Variants in STAG1 observed in about 807,000 individuals in gnomAD.
The protein encoded by STAG1 is STAG1 cohesin complex component, also known as cohesin subunit SA-1.
Under a neutral mutation model 170.9 loss-of-function variants are expected in STAG1, and 26 were observed. That is an observed-to-expected ratio of 0.15 (90% CI 0.11 to 0.21). STAG1 has a LOEUF of 0.21. Among genes scored for constraint, STAG1 ranks in the 10% least tolerant of loss-of-function variants. The pLI, the probability that STAG1 is intolerant of heterozygous loss-of-function variation, is 1.00. For missense variants in STAG1, 964 were observed against 1,509.5 expected, an observed-to-expected ratio of 0.64 and a Z score of 5.99; for synonymous variants, 514 against 497.7, an observed-to-expected ratio of 1.03 and a Z score of -0.44.
rs2107729865 is a variant in STAG1 at position 136,422,449 on chromosome 3, T to C, written c.1998A>G (p.Val666=). 3 of 1,614,070 alleles carry C rather than the reference T, an allele frequency of 1.9e-6. No homozygotes were observed. Among genetic ancestry groups the C allele is most frequent in the Middle Eastern group, 1.7e-4 (1 of 6,060 alleles). The change falls in exon 19 of 34, where the codon GTA becomes GTG. Residue 666 remains valine, a synonymous_variant. Transcript: ENST00000383202. ...IARSQLIDEF[V]DRFNHSVEDL... ...CTTCCACAGAATGATTGAATCGATC[T>C]ACAAACTCATCAATCAGCTGGCTTC...
chr3:136,433,471 C>A (rs988687995), intron 16 of STAG1, 85 bp downstream of exon 16: 20 of 935,934 alleles, frequency 2.1e-5, no homozygotes, highest in Admixed American at 5.2e-5. Context: ...TTTAGGGATA[C>A]AAATATCAGT....
rs568223775 is a variant in STAG1, at chr3:136,337,641, G to T, written c.*613C>A. On this transcript the variant is annotated 3_prime_UTR_variant, in exon 34 of 34. Coordinates refer to ENST00000383202, the MANE Select transcript of STAG1 (RefSeq NM_005862.3). ...GAATTCATATCCATATCCACAGAGG[G>T]TGTGTGGTTTTTGGCAGAGATGTAC... 6.6e-6 allele frequency: 1 copy of T among 152,604 alleles called. No homozygotes were observed. The highest frequency in any genetic ancestry group is 2.1e-4 in the South Asian group (1 of 4,826). The allele number at this position is 152,604 out of a possible 1,614,324, so 9.5% of individuals were successfully genotyped here.
At chr3:136,468,595 C>G (rs1377779434) in intron 12 of STAG1, among the ~76,000 whole-genome samples, 1 of 152,290 alleles carries the variant, frequency 6.6e-6, no homozygotes, top group East Asian at 1.9e-4. Flanking sequence ...GGAGCTGGTA[C>G]CATTCCTTCT....
chr3:136,555,824 G>T (rs1936593058), intron 5 of STAG1, among the ~76,000 whole-genome samples: 2 of 149,800 alleles, frequency 1.3e-5, no homozygotes, highest in African/African-American at 4.9e-5. Context: ...ATTCTGGAAA[G>T]AAATAATTCC....
At chr3:136,603,607 G>A (rs572723021) in intron 4 of STAG1, among the ~76,000 whole-genome samples, 13 of 152,164 alleles carry the variant, frequency 8.5e-5, no homozygotes, top group Middle Eastern at 6.8e-3. Context: ...AGTTATGGCC[G>A]GGCGCGGTGG....
chr3:136,649,649 C>T (rs1941149043), intron 1 of STAG1, among the ~76,000 whole-genome samples: 1 of 151,936 alleles, frequency 6.6e-6, no homozygotes, highest in African/African-American at 2.4e-5. Context: ...AGTGCAGTGG[C>T]TCGTGCCTGT....
intron 22 of STAG1, among the ~76,000 whole-genome samples, chr3:136,390,504 A>G (rs1237230296): frequency 6.6e-6 from 1 of 152,212 alleles, no homozygotes; most frequent in Non-Finnish European, 1.5e-5. Flanking sequence ...TATTAACAGG[A>G]ACACATGTAT....
intron 7 of STAG1, among the ~76,000 whole-genome samples, chr3:136,516,315 G>A (rs1309233781): frequency 1.3e-5 from 2 of 151,978 alleles, no homozygotes; most frequent in African/African-American, 4.8e-5. Context: ...TCAAGGCCAT[G>A]GGCAACATGG....
chr3:136,429,371 C>T (rs1331400843), intron 16 of STAG1, among the ~76,000 whole-genome samples: 3 of 152,190 alleles, frequency 2.0e-5, no homozygotes, highest in Non-Finnish European at 4.4e-5. Context: ...CACGCCACTG[C>T]ACTCCAGCCT....
chr3:136,627,842 C>T (rs1407751421), intron 2 of STAG1, among the ~76,000 whole-genome samples: 1 of 152,098 alleles, frequency 6.6e-6, no homozygotes, highest in Admixed American at 6.5e-5. Flanking sequence ...TTCTGTCTAC[C>T]TCTTTCTATC....
At chr3:136,456,799 G>T (rs535104098) in intron 13 of STAG1, among the ~76,000 whole-genome samples, 11 of 152,280 alleles carry the variant, frequency 7.2e-5, no homozygotes, top group African/African-American at 2.6e-4. Flanking sequence ...GCTCCTATAT[G>T]GCTTTCAGTA....
rs760322984 is a variant in STAG1 at position 136,477,388 on chromosome 3, G to A, written c.927C>T (p.Ala309=). The A allele has an allele frequency of 3.1e-6, 5 of 1,611,578 alleles. No homozygotes were observed. In the African/African-American group the frequency reaches 4.0e-5, roughly 13 times the overall value. The part of the protein sequence containing the change: ...RYRDAIAEIR[A]ICIEEIGVWM... ...ATACTCCAATTTCTTCAATACAAATGGCTCTAATCTCAGCAATAGCATCAC... is the reference window on the plus strand; with the variant it reads ...ATACTCCAATTTCTTCAATACAAATAGCTCTAATCTCAGCAATAGCATCAC... The change falls in exon 10 of 34, where the codon GCC becomes GCT. Residue 309 remains alanine, a synonymous_variant. Coordinates refer to ENST00000383202, the MANE Select transcript of STAG1 (RefSeq NM_005862.3).
intron 1 of STAG1, among the ~76,000 whole-genome samples, chr3:136,702,795 CA>C (rs1943120566): frequency 6.6e-6 from 1 of 152,072 alleles, no homozygotes; most frequent in Admixed American, 6.6e-5. Flanking sequence ...CCGGGCCAGG[CA>C]CGGTGGCTCA....
At chr3:136,365,776 T>G (rs1012265337) in intron 25 of STAG1, among the ~76,000 whole-genome samples, 1 of 152,248 alleles carries the variant, frequency 6.6e-6, no homozygotes, top group East Asian at 1.9e-4. Flanking sequence ...CATGACATTT[T>G]CTTTTAGAAA....
Position 136,523,845 on chromosome 3 carries a change from A to G in STAG1, c.472-2428T>C, listed in dbSNP as rs182854229. On this transcript the variant is annotated intron_variant, in intron 6 of 33. Coordinates refer to ENST00000383202, the MANE Select transcript of STAG1 (RefSeq NM_005862.3). ...CAGTTTTCCCAGCACCATTCATTAA[A>G]TAGGGAATCCTTTCCCCATTGCTTG... Among the ~76,000 whole-genome samples the G allele has an allele frequency of 5.7e-3, 875 of 152,244 alleles. 3 individuals are homozygous for G. The highest frequency in any genetic ancestry group is 9.1e-3 in the Non-Finnish European group (618 of 68,034).
intron 13 of STAG1, among the ~76,000 whole-genome samples, chr3:136,459,493 G>A: frequency 6.6e-6 from 1 of 152,086 alleles, no homozygotes; most frequent in East Asian, 1.9e-4. Flanking sequence ...AAGAAACACT[G>A]GAGTTAAACT....
Position 136,612,500 on chromosome 3 carries a change from C to G in STAG1, c.133-8027G>C, listed in dbSNP as rs77750225. Among the ~76,000 whole-genome samples the G allele has an allele frequency of 3.3e-5, 5 of 151,954 alleles. No individual in the cohort carries two copies. The East Asian group carries it at 7.7e-4, about 24-fold the overall frequency. ...AATACAAAGAAAAAAGAAAAAATAT[C>G]TAAAGATAAAGGATAAAAAAAACAA... On this transcript the variant is annotated intron_variant, in intron 3 of 33. Transcript: ENST00000383202.
chr3:136,450,555 G>A (rs866925697), intron 14 of STAG1, among the ~76,000 whole-genome samples: 1 of 151,892 alleles, frequency 6.6e-6, no homozygotes, highest in Non-Finnish European at 1.5e-5. Context: ...TTTCATATAG[G>A]CTACCTGTTT....
At chr3:136,479,108 G>C (rs1334796368) in intron 9 of STAG1, among the ~76,000 whole-genome samples, 8 of 140,126 alleles carry the variant, frequency 5.7e-5, no homozygotes, top group Admixed American at 2.2e-4. Flanking sequence ...TTAAGTTTTA[G>C]GGTACATGTG....
Sources: gnomAD v4.1 joint callset for allele counts (sites outside exome capture counted in the v4.1 genomes callset) on GRCh38, gnomAD v4.1.1 for gene constraint, MANE v1.5 for transcripts, NCBI Gene and HGNC (gene_info 2026-07-23, HGNC 2026-07-21) for gene names.